The following BNC2 variants were observed in gnomAD, a reference collection of about 807,000 sequenced individuals.
BNC2 encodes the protein zinc finger protein basonuclin-2.
BNC2 carries 20 observed loss-of-function variants against 76.3 expected under a neutral mutation model. That is an observed-to-expected ratio of 0.26 (90% CI 0.18 to 0.38). The LOEUF is 0.38. Among genes scored for constraint, BNC2 ranks in the 10% least tolerant of loss-of-function variants. BNC2 has a pLI of 1.00. For missense variants in BNC2, 1,382 were observed against 1,399.8 expected, an observed-to-expected ratio of 0.99 and a Z score of 0.20; for synonymous variants, 582 against 514.8, an observed-to-expected ratio of 1.13 and a Z score of -1.77.
At position 16,418,552 on chromosome 9, in the gene BNC2, CTTTTTTCTT is replaced by C. The variant is rs1179011674; in HGVS notation, c.*428_*436del. ...AACTATAAGAAGTTCCTTTTTGTTTCTTTTTTCTTTTTTTTCCCTTTTATTTTTGCAGGC... is the reference window on the plus strand; with the variant it reads ...AACTATAAGAAGTTCCTTTTTGTTTCTTTTTTCCCTTTTATTTTTGCAGGC... On this transcript the variant is annotated 3_prime_UTR_variant, in exon 7 of 7. Coordinates refer to ENST00000380672, the MANE Select transcript of BNC2 (RefSeq NM_017637.6). 6.4e-6 allele frequency: 1 copy of C among 156,960 alleles called. No individual in the cohort carries two copies. The highest frequency in any genetic ancestry group is 2.0e-4 in the South Asian group (1 of 5,048). The allele number at this position is 156,960 out of a possible 1,614,324, so 9.7% of individuals were successfully genotyped here. A position where few individuals can be genotyped will look rare whatever the true frequency, so the allele number is the denominator to read the frequency against.
chr9:16,453,821 A>C (rs192478304), intron 5 of BNC2, among the ~76,000 whole-genome samples: 2 of 152,152 alleles, frequency 1.3e-5, no homozygotes, highest in Non-Finnish European at 2.9e-5. Flanking sequence ...ACAAAACAAA[A>C]CAAACAAAAC....
intron 3 of BNC2, among the ~76,000 whole-genome samples, chr9:16,639,390 G>A (rs1003513211): frequency 4.6e-5 from 7 of 152,094 alleles, no homozygotes; most frequent in African/African-American, 1.7e-4. Context: ...TGGCATGTTT[G>A]TTTCTGTAGA....
At chr9:16,614,212 T>A (rs10756769) in intron 3 of BNC2, among the ~76,000 whole-genome samples, 133,788 of 152,062 alleles carry the variant, frequency 0.88, 59,778 homozygotes, top group East Asian at 0.98. Context: ...CCCTGAGATC[T>A]ACGGAAGAAC....
intron 3 of BNC2, chr9:16,699,113 CTGTTTT>C (rs537174277): frequency 7.1e-5 from 32 of 447,778 alleles, no homozygotes; most frequent in African/African-American, 2.3e-4. Context: ...TGTTGCTGTT[CTGTTTT>C]TGTTTTTGTT....
chr9:16,812,309 G>A (rs1348819692), intron 1 of BNC2, among the ~76,000 whole-genome samples: 1 of 152,182 alleles, frequency 6.6e-6, no homozygotes, highest in Non-Finnish European at 1.5e-5. Flanking sequence ...CAAAACCAGG[G>A]AATATTATCC....
intron 3 of BNC2, among the ~76,000 whole-genome samples, chr9:16,669,902 C>G (rs1235491297): frequency 6.6e-6 from 1 of 152,170 alleles, no homozygotes; most frequent in Non-Finnish European, 1.5e-5. Context: ...GGTTTCATCT[C>G]CTCTGCATGA....
chr9:16,608,966 T>G (rs541229842), intron 3 of BNC2, among the ~76,000 whole-genome samples: 1 of 152,308 alleles, frequency 6.6e-6, no homozygotes, highest in South Asian at 2.1e-4. Flanking sequence ...CATCATACCT[T>G]GCCAACCTAA....
intron 5 of BNC2, among the ~76,000 whole-genome samples, chr9:16,464,110 A>AG (rs1391472705): frequency 1.3e-5 from 2 of 151,792 alleles, no homozygotes; most frequent in Middle Eastern, 3.4e-3. Context: ...AAAAAAAAAA[A>AG]AAAGAAAGAA....
chr9:16,752,610 T>G lies in BNC2; in HGVS notation c.4-14125A>C, dbSNP rs531040987. On this transcript the variant is annotated intron_variant, in intron 1 of 6. Coordinates refer to ENST00000380672, the MANE Select transcript of BNC2 (RefSeq NM_017637.6). The stretch of plus-strand genomic sequence containing the variant: ...ACATTTTAAATACAGCCTCTCAAAT[T>G]GCTAGATTTTTTTAATGACACACAA... Among the ~76,000 whole-genome samples the G allele has an allele frequency of 1.1e-4, 12 of 104,836 alleles. No homozygotes were observed. In the South Asian group the frequency reaches 2.6e-3, roughly 22 times the overall value. The allele number at this position is 104,836 out of a possible 152,430, so 68.8% of individuals were successfully genotyped here. A position where few individuals can be genotyped will look rare whatever the true frequency, so the allele number is the denominator to read the frequency against.
intron 3 of BNC2, among the ~76,000 whole-genome samples, chr9:16,589,139 T>A (rs1006849465): frequency 1.3e-5 from 2 of 152,150 alleles, no homozygotes; most frequent in Non-Finnish European, 2.9e-5. Context: ...GCTCCCTTCA[T>A]GGGTTCATTA....
chr9:16,772,997 GT>G (rs1024887106), intron 1 of BNC2, among the ~76,000 whole-genome samples: 14 of 152,268 alleles, frequency 9.2e-5, no homozygotes, highest in Admixed American at 2.0e-4. Flanking sequence ...TAATGAACCT[GT>G]TTGCAATAAG....
At chr9:16,467,779 A>G (rs1821725308) in intron 5 of BNC2, among the ~76,000 whole-genome samples, 1 of 145,472 alleles carries the variant, frequency 6.9e-6, no homozygotes, top group Admixed American at 6.9e-5. Context: ...ACATGTATAC[A>G]TATGTAACTA....
intron 3 of BNC2, among the ~76,000 whole-genome samples, chr9:16,723,726 A>G (rs1484504452): frequency 2.0e-5 from 3 of 152,054 alleles, no homozygotes; most frequent in Non-Finnish European, 2.9e-5. Flanking sequence ...TTACTCTGTC[A>G]TATCTCTGGT....
rs1169664260 is a variant in BNC2 at position 16,565,735 on chromosome 9, G to A, written c.434-12970C>T. 4.6e-5 allele frequency among the ~76,000 whole-genome samples: 7 copies of A among 151,814 alleles called. No homozygotes were observed. In the East Asian group the frequency reaches 1.4e-3, roughly 30 times the overall value. On this transcript the variant is annotated intron_variant, in intron 4 of 6. Coordinates refer to ENST00000380672, the MANE Select transcript of BNC2 (RefSeq NM_017637.6). ...AGATGGGAGGATCACTTGAGCCTGG[G>A]AGGTCGAGGCTGCAGTGAGCCAAGA...
intron 6 of BNC2, among the ~76,000 whole-genome samples, chr9:16,425,408 G>A (rs537082395): frequency 1.6e-4 from 24 of 152,232 alleles, no homozygotes; most frequent in Admixed American, 1.1e-3. Flanking sequence ...CTCAGAGCCT[G>A]CCATCCCCGT....
At chr9:16,462,297 A>G (rs1016473649) in intron 5 of BNC2, among the ~76,000 whole-genome samples, 1 of 152,202 alleles carries the variant, frequency 6.6e-6, no homozygotes, top group Non-Finnish European at 1.5e-5. Flanking sequence ...TATTGTAAGA[A>G]TTAATAAAGT....
intron 1 of BNC2, among the ~76,000 whole-genome samples, chr9:16,780,003 G>A (rs373780806): frequency 3.5e-4 from 54 of 152,162 alleles, no homozygotes; most frequent in African/African-American, 1.2e-3. Context: ...TTGGGAGGCC[G>A]AGGCGGGCGG....
intron 4 of BNC2, among the ~76,000 whole-genome samples, chr9:16,569,792 A>G (rs1268403584): frequency 6.6e-6 from 1 of 152,176 alleles, no homozygotes; most frequent in African/African-American, 2.4e-5. Flanking sequence ...CTAAGAAGAG[A>G]TTTAGTAACT....
At chr9:16,527,964 T>C (rs1817862070) in intron 5 of BNC2, among the ~76,000 whole-genome samples, 1 of 152,142 alleles carries the variant, frequency 6.6e-6, no homozygotes, top group Non-Finnish European at 1.5e-5. Context: ...TTCTTAACAA[T>C]AATGATGAAT....
Sources: gnomAD v4.1 joint callset for allele counts (sites outside exome capture counted in the v4.1 genomes callset) on GRCh38, gnomAD v4.1.1 for gene constraint, MANE v1.5 for transcripts, NCBI Gene and HGNC (gene_info 2026-07-23, HGNC 2026-07-21) for gene names.